The following PSMB7 variants were observed in gnomAD, a reference collection of about 807,000 sequenced individuals.
PSMB7 encodes proteasome subunit beta type-7.
A neutral mutation model predicts 28.1 loss-of-function variants in PSMB7; 5 were observed. The observed-to-expected ratio is 0.18, with a 90% CI of 0.09 to 0.37. PSMB7 has a LOEUF of 0.37. Among genes scored for constraint, PSMB7 ranks in the 10% least tolerant of loss-of-function variants. The pLI, the probability that PSMB7 is intolerant of heterozygous loss-of-function variation, is 1.00. For synonymous variants in PSMB7, 122 were observed against 123.7 expected (o/e 0.99, Z 0.09); for missense variants, 275 against 346.2 (o/e 0.79, Z 1.63).
intron 6 of PSMB7, chr9:124,383,888 T>C (rs962609632): frequency 1.3e-5 from 2 of 152,152 alleles, no homozygotes; most frequent in African/African-American, 4.8e-5. Flanking sequence ...CGTGGTACCA[T>C]GATGGATCCA....
intron 6 of PSMB7, among the ~76,000 whole-genome samples, chr9:124,360,303 C>T (rs1377662692): frequency 6.6e-6 from 1 of 152,248 alleles, no homozygotes; most frequent in African/African-American, 2.4e-5. Context: ...GCAAGAAGCA[C>T]TGTCTCTTCC....
intron 6 of PSMB7, among the ~76,000 whole-genome samples, chr9:124,368,192 C>T (rs962722019): frequency 6.1e-5 from 8 of 130,488 alleles, no homozygotes; most frequent in African/African-American, 1.9e-4. Flanking sequence ...CAATTCCACA[C>T]ATTTACCCAA....
chr9:124,364,810 G>A (rs1034807389), intron 6 of PSMB7, among the ~76,000 whole-genome samples: 1 of 152,180 alleles, frequency 6.6e-6, no homozygotes, highest in South Asian at 2.1e-4. Flanking sequence ...AGTAAGCAAT[G>A]ACAGAAATCC....
intron 5 of PSMB7, among the ~76,000 whole-genome samples, chr9:124,388,134 CT>C (rs1357808209): frequency 6.6e-6 from 1 of 152,244 alleles, no homozygotes; most frequent in African/African-American, 2.4e-5. Flanking sequence ...AGCTGGCACT[CT>C]CTTCATACAC....
intron 5 of PSMB7, among the ~76,000 whole-genome samples, chr9:124,396,269 G>A (rs1830842279): frequency 6.6e-6 from 1 of 151,884 alleles, no homozygotes; most frequent in African/African-American, 2.4e-5. Flanking sequence ...TTGTACTTGA[G>A]TATAAAAATA....
chr9:124,387,499 A>G (rs955077608), intron 5 of PSMB7, among the ~76,000 whole-genome samples: 4 of 149,974 alleles, frequency 2.7e-5, no homozygotes, highest in Non-Finnish European at 4.4e-5. Flanking sequence ...ACACACACAC[A>G]CACTCTCTCT....
At chr9:124,357,924 CA>C (rs1365184862) in intron 6 of PSMB7, among the ~76,000 whole-genome samples, 3 of 152,312 alleles carry the variant, frequency 2.0e-5, no homozygotes, top group Non-Finnish European at 4.4e-5. Context: ...ACGAGGCACT[CA>C]GAAAACAGCA....
chr9:124,413,432 T>C (rs904316260), intron 3 of PSMB7, among the ~76,000 whole-genome samples: 1 of 151,930 alleles, frequency 6.6e-6, no homozygotes, highest in Non-Finnish European at 1.5e-5. Context: ...CTAAAAGCCA[T>C]GTGGAAATGT....
At chr9:124,367,424 G>A (rs933976233) in intron 6 of PSMB7, among the ~76,000 whole-genome samples, 2 of 152,078 alleles carry the variant, frequency 1.3e-5, no homozygotes, top group African/African-American at 2.4e-5. Context: ...AGGAGCTAAC[G>A]CAGATACTTC....
At chr9:124,353,766 C>A in intron 7 of PSMB7, 57 bp from the exon 8 acceptor site, 1 of 1,280,464 alleles carries the variant, frequency 7.8e-7, no homozygotes, top group Non-Finnish European at 1.1e-6. Context: ...TGCCAGAGGG[C>A]AGAAGACAGT....
rs77094011 is a variant in PSMB7, at chr9:124,372,080, T to A, written c.570+12518A>T. Among the ~76,000 whole-genome samples, 999 of 152,338 alleles carry A rather than the reference T, an allele frequency of 6.6e-3. 6 individuals are homozygous for A. The highest frequency in any genetic ancestry group is 9.7e-3 in the Admixed American group (149 of 15,300). On this transcript the variant is annotated intron_variant, in intron 6 of 7. Transcript: ENST00000259457. ...TGCATATTACAAATGGAACACCTGC[T>A]CCAAAGAAATGCATCATAAATAATT...
chr9:124,412,253 C>A, intron 4 of PSMB7, 99 bp downstream of exon 4: 1 of 1,198,298 alleles, frequency 8.3e-7, no homozygotes, highest in Non-Finnish European at 1.2e-6. Context: ...ATGTGTATTT[C>A]TGAATGTGTT....
chr9:124,381,831 A>G (rs1171517301), intron 6 of PSMB7, among the ~76,000 whole-genome samples: 1 of 152,244 alleles, frequency 6.6e-6, no homozygotes, highest in East Asian at 1.9e-4. Flanking sequence ...GGTCTTCACA[A>G]TAAATGTTTC....
intron 4 of PSMB7, 108 bp downstream of exon 4, chr9:124,412,244 T>C (rs1279377404): frequency 6.3e-6 from 7 of 1,119,706 alleles, no homozygotes; most frequent in Non-Finnish European, 8.9e-6. Flanking sequence ...CGGAACAAAA[T>C]GTGTATTTCT....
intron 5 of PSMB7, among the ~76,000 whole-genome samples, chr9:124,387,200 C>T (rs1483507866): frequency 6.6e-6 from 1 of 152,082 alleles, no homozygotes; most frequent in Non-Finnish European, 1.5e-5. Context: ...GAGCCCAGAT[C>T]GCGCAACTGC....
intron 3 of PSMB7, among the ~76,000 whole-genome samples, chr9:124,413,058 G>C (rs948894417): frequency 2.7e-5 from 4 of 145,696 alleles, no homozygotes; most frequent in Admixed American, 7.0e-5. Context: ...GCTCATGCCT[G>C]TAATCCCAGC....
intron 6 of PSMB7, among the ~76,000 whole-genome samples, chr9:124,363,702 C>CT (rs994915281): frequency 4.0e-5 from 6 of 151,394 alleles, no homozygotes; most frequent in Non-Finnish European, 4.4e-5. Flanking sequence ...TCCTTGATAG[C>CT]TTTTTTTTTG....
intron 5 of PSMB7, among the ~76,000 whole-genome samples, chr9:124,392,017 C>CA (rs1830792935): frequency 6.6e-6 from 1 of 152,202 alleles, no homozygotes; most frequent in Non-Finnish European, 1.5e-5. Context: ...ATAAGGTGCT[C>CA]ACTAACTCTC....
chr9:124,363,667 C>T (rs988087742), intron 6 of PSMB7, among the ~76,000 whole-genome samples: 7 of 152,170 alleles, frequency 4.6e-5, no homozygotes, highest in African/African-American at 1.4e-4. Context: ...GCATCTTTAA[C>T]GCCTAGCTGG....
Sources: gnomAD v4.1 joint callset for allele counts (sites outside exome capture counted in the v4.1 genomes callset) on GRCh38, gnomAD v4.1.1 for gene constraint, MANE v1.5 for transcripts, NCBI Gene and HGNC (gene_info 2026-07-23, HGNC 2026-07-21) for gene names.